RUBCN: variants seen among roughly 807,000 people sequenced by gnomAD.
RUBCN encodes the protein run domain Beclin-1-interacting and cysteine-rich domain-containing protein.
Under a neutral mutation model 113.2 loss-of-function variants are expected in RUBCN, and 74 were observed. That is an observed-to-expected ratio of 0.65 (90% confidence interval 0.54 to 0.79). The LOEUF (loss-of-function observed/expected upper bound fraction) is 0.79, where lower values mean the gene tolerates loss of function less well. Among genes scored for constraint, RUBCN ranks in the 30% least tolerant of loss-of-function variants. The probability of loss-of-function intolerance (pLI) is 0.00; values close to 1 mark genes in which losing one functional copy is unlikely to be tolerated. For missense variants in RUBCN, 1,109 were observed against 1,251.7 expected, an observed-to-expected ratio of 0.89 and a Z score of 1.72; for synonymous variants, 480 against 490.0, an observed-to-expected ratio of 0.98 and a Z score of 0.27.
chr3:197,723,933 TA>T (rs1298474729), intron 1 of RUBCN, among the ~76,000 whole-genome samples: 1 of 151,736 alleles, frequency 6.6e-6, no homozygotes, highest in Non-Finnish European at 1.5e-5. Context: ...CGTTCTCTAC[TA>T]AAAAAATATA....
At chr3:197,687,634 G>C (rs931020300) in intron 11 of RUBCN, among the ~76,000 whole-genome samples, 2 of 152,230 alleles carry the variant, frequency 1.3e-5, no homozygotes, top group African/African-American at 4.8e-5. Flanking sequence ...AGAGTGCCAT[G>C]AGTGACGCCC....
chr3:197,694,689 CA>C, intron 9 of RUBCN, 104 bp from the exon 10 acceptor site: 4 of 966,074 alleles, frequency 4.1e-6, no homozygotes, highest in Non-Finnish European at 4.9e-6. Flanking sequence ...CTGTTCCTGC[CA>C]AAAACACCCT....
At chr3:197,678,967 C>T (rs1227754199) in intron 16 of RUBCN, among the ~76,000 whole-genome samples, 11 of 150,192 alleles carry the variant, frequency 7.3e-5, no homozygotes, top group Admixed American at 7.3e-4. Context: ...TATGCTCTAA[C>T]TGACAACTGG....
At position 197,683,525 on chromosome 3, in the gene RUBCN, A is replaced by G; in HGVS notation, c.1848-86T>C. 3 of 1,514,334 alleles carry G rather than the reference A, an allele frequency of 2.0e-6. No individual in the cohort carries two copies. The highest frequency in any genetic ancestry group is 2.3e-5 in the South Asian group (2 of 86,342). 93.8% of individuals were successfully genotyped at this position (1,514,334 alleles called of 1,614,324 possible). On this transcript the variant is annotated intron_variant, in intron 12 of 19. Transcript: ENST00000296343. This position sits in a 1 kb window ranked among gnomAD's most constrained non-coding sequence, Gnocchi z 4.6. ...CCCTTCATGATCTCATCCCCCACGC[A>G]GCAACTTCTGGGCTGGAAGAACACC...
At chr3:197,730,006 G>C (rs947565087) in intron 1 of RUBCN, among the ~76,000 whole-genome samples, 2 of 152,198 alleles carry the variant, frequency 1.3e-5, no homozygotes, top group African/African-American at 4.8e-5. Flanking sequence ...TAGTAGCTTT[G>C]TTTCTGAAAA....
At chr3:197,737,059 C>T, upstream of RUBCN, 1 of 646,134 alleles carries the variant, frequency 1.5e-6, no homozygotes, top group Non-Finnish European at 2.1e-6. Context: ...AATCCCAGGC[C>T]GCTCCCGCAG....
chr3:197,703,566 AGC>A lies in RUBCN; in HGVS notation c.550_551del (p.Ala184SerfsTer48). ...CCTGTACCATGGACGCATCGATCTG[AGC>A]CAGGAGGCGGGGGTTGTTCTGTTCC... is the stretch of plus-strand genomic sequence containing the variant. ...AVEQNNPRLL[A>X]QIDASMFARK... On this transcript the variant is annotated frameshift_variant, in exon 5 of 20. Transcript: ENST00000296343. LOFTEE classifies it high-confidence loss of function. 1.2e-6 allele frequency: 2 copies of A among 1,612,846 alleles called. No homozygotes were observed. The highest frequency in any genetic ancestry group is 1.7e-6 in the Non-Finnish European group (2 of 1,178,908).
intron 16 of RUBCN, among the ~76,000 whole-genome samples, chr3:197,680,009 T>G (rs1182608076): frequency 7.6e-6 from 1 of 131,506 alleles, no homozygotes. Flanking sequence ...GATTGTCCTG[T>G]GCTCTGACAA....
chr3:197,683,490 T>C lies in RUBCN; in HGVS notation c.1848-51A>G, dbSNP rs763436403. 10 of 1,608,180 alleles carry C rather than the reference T, an allele frequency of 6.2e-6. No individual in the cohort carries two copies. Among genetic ancestry groups the C allele is most frequent in the East Asian group, 2.2e-5 (1 of 44,820 alleles). Reference sequence around the variant, plus strand: ...CTGAACACAGGGAAAGGATGGGCGATGCGAGGCTTCCCTTCATGATCTCAT... The same window carrying C: ...CTGAACACAGGGAAAGGATGGGCGACGCGAGGCTTCCCTTCATGATCTCAT... On this transcript the variant is annotated intron_variant, in intron 12 of 19. Transcript: ENST00000296343. The surrounding 1 kb of genome is among the most constrained non-coding windows in gnomAD (Gnocchi z 4.6).
intron 11 of RUBCN, among the ~76,000 whole-genome samples, chr3:197,684,679 CAT>C (rs897498904): frequency 6.6e-6 from 1 of 151,230 alleles, no homozygotes; most frequent in Non-Finnish European, 1.5e-5. Context: ...TACACACACA[CAT>C]ATATACACAT....
chr3:197,671,420 G>GA lies in RUBCN; in HGVS notation c.*3597dup, dbSNP rs1719779167. On this transcript the variant is annotated 3_prime_UTR_variant, in exon 20 of 20. Transcript: ENST00000296343. Reference sequence around the variant, plus strand: ...TGTGTGCTAGTGGCAGAAAAGTAATGAGAGATTTATTTTAGAGGAAAACAT... The same window carrying GA: ...TGTGTGCTAGTGGCAGAAAAGTAATGAAGAGATTTATTTTAGAGGAAAACAT... 3 of 152,228 alleles carry GA rather than the reference G, an allele frequency of 2.0e-5. No homozygotes were observed. Among genetic ancestry groups the GA allele is most frequent in the African/African-American group, 4.8e-5 (2 of 41,454 alleles). The allele number at this position is 152,228 out of a possible 1,614,324, so 9.4% of individuals were successfully genotyped here. A position where few individuals can be genotyped will look rare whatever the true frequency, so the allele number is the denominator to read the frequency against.
chr3:197,682,391 C>T lies in RUBCN; in HGVS notation c.2126+79G>A, dbSNP rs1008365782. 9 of 1,543,444 alleles carry T rather than the reference C, an allele frequency of 5.8e-6. No homozygotes were observed. The Admixed American group carries it at 1.6e-4, about 27-fold the overall frequency. On this transcript the variant is annotated intron_variant, in intron 14 of 19. Transcript: ENST00000296343. Reference sequence around the variant, plus strand: ...TGGGAAGGACAGCTGGAGGCAGGGACAAGTGGGTGAGACGAAAACCCTGAC... The same window carrying T: ...TGGGAAGGACAGCTGGAGGCAGGGATAAGTGGGTGAGACGAAAACCCTGAC...
chr3:197,735,157 C>T (rs1314793158), intron 1 of RUBCN, among the ~76,000 whole-genome samples: 3 of 152,104 alleles, frequency 2.0e-5, no homozygotes, highest in East Asian at 3.9e-4. Context: ...TTTGGGAGGC[C>T]GACGTGGCGG....
chr3:197,682,337 C>G (rs1053456312), intron 14 of RUBCN, 133 bp downstream of exon 14: 13 of 1,060,284 alleles, frequency 1.2e-5, no homozygotes, highest in East Asian at 5.2e-5. Flanking sequence ...ACGACGCCCC[C>G]CCTCTGCCTT....
intron 5 of RUBCN, among the ~76,000 whole-genome samples, chr3:197,703,204 C>T (rs184234220): frequency 2.6e-5 from 4 of 151,838 alleles, no homozygotes; most frequent in Non-Finnish European, 5.9e-5. Flanking sequence ...CGAGACCGTC[C>T]TGGCCAACAT....
chr3:197,717,069 C>G (rs1434003097), intron 2 of RUBCN, among the ~76,000 whole-genome samples: 3 of 152,058 alleles, frequency 2.0e-5, no homozygotes, highest in Non-Finnish European at 4.4e-5. Context: ...TGCAGCGAGC[C>G]ATGATTTTGT....
chr3:197,729,276 G>A (rs1444538089), intron 1 of RUBCN, among the ~76,000 whole-genome samples: 3 of 151,848 alleles, frequency 2.0e-5, no homozygotes, highest in East Asian at 1.9e-4. Context: ...TTTTTGAGAC[G>A]GAGTCTCGCT....
chr3:197,747,686 C>G (rs1728808634), intron 1 of RUBCN, among the ~76,000 whole-genome samples: 1 of 152,146 alleles, frequency 6.6e-6, no homozygotes, highest in South Asian at 2.1e-4. Flanking sequence ...TTTACTCTCA[C>G]AAATGAGCAG....
rs763736930 is a variant in RUBCN, at chr3:197,674,823, A to G, written c.*195T>C. On this transcript the variant is annotated 3_prime_UTR_variant, in exon 20 of 20. Transcript: ENST00000296343. ...GTTTACAAATTATCTGTCACCACAG[A>G]CTCTGGACCCATCAACCTGCCGACG... 3.7e-4 allele frequency: 206 copies of G among 554,590 alleles called. 1 individual carries two copies. The highest frequency in any genetic ancestry group is 5.4e-4 in the Non-Finnish European group (172 of 320,326). 34.4% of individuals were successfully genotyped at this position (554,590 alleles called of 1,614,324 possible).
Sources: gnomAD v4.1 joint callset for allele counts (sites outside exome capture counted in the v4.1 genomes callset) on GRCh38, gnomAD v4.1.1 for gene constraint, Gnocchi (gnomAD v3.1) non-coding constraint, MANE v1.5 for transcripts, NCBI Gene and HGNC (gene_info 2026-07-23, HGNC 2026-07-21) for gene names.